OLA1: variants seen among roughly 807,000 people sequenced by gnomAD.
OLA1 encodes the protein obg-like ATPase 1.
A neutral mutation model predicts 48.4 loss-of-function variants in OLA1; 14 were observed. That is an observed-to-expected ratio of 0.29 (90% confidence interval 0.19 to 0.45). The LOEUF is 0.45. Among genes scored for constraint, OLA1 ranks in the 20% least tolerant of loss-of-function variants. The probability of loss-of-function intolerance (pLI) is 1.00; values close to 1 mark genes in which losing one functional copy is unlikely to be tolerated. For missense variants in OLA1, 325 were observed against 467.1 expected (o/e 0.70, Z 2.80); for synonymous variants, 127 against 150.4 (o/e 0.84, Z 1.14).
intron 4 of OLA1, among the ~76,000 whole-genome samples, chr2:174,215,631 A>G (rs904615840): frequency 2.0e-5 from 3 of 152,218 alleles, no homozygotes; most frequent in Non-Finnish European, 4.4e-5. Flanking sequence ...ATCACTTACT[A>G]CTGTAAAATA....
chr2:174,134,214 A>G (rs575980864), intron 5 of OLA1, among the ~76,000 whole-genome samples: 1 of 152,226 alleles, frequency 6.6e-6, no homozygotes, highest in Non-Finnish European at 1.5e-5. Context: ...TTGCTAGTTC[A>G]TATGGTAAGT....
In OLA1 at chr2:174,095,334, T is replaced by TG. The variant is rs1056513643; in HGVS notation, c.729-13271_729-13270insC. 1.1e-4 allele frequency among the ~76,000 whole-genome samples: 13 copies of TG among 121,378 alleles called. 1 individual carries two copies. Among genetic ancestry groups the TG allele is most frequent in the Admixed American group, 3.3e-4 (4 of 12,140 alleles). 79.6% of individuals were successfully genotyped at this position (121,378 alleles called of 152,430 possible). A position where few individuals can be genotyped will look rare whatever the true frequency, so the allele number is the denominator to read the frequency against. The stretch of plus-strand genomic sequence containing the variant: ...GCACTTGTTATTTCCTGTTTTTTTT[T>TG]TTTTTTTTTTTTTTTGTTGTTGTTG... On this transcript the variant is annotated intron_variant, in intron 7 of 10. Coordinates refer to ENST00000284719, the MANE Select transcript of OLA1 (RefSeq NM_013341.5).
chr2:174,177,023 G>A (rs1687437356), intron 4 of OLA1, among the ~76,000 whole-genome samples: 1 of 152,068 alleles, frequency 6.6e-6, no homozygotes, highest in Non-Finnish European at 1.5e-5. Flanking sequence ...TACCACAGGA[G>A]TGCTGATTAC....
chr2:174,126,661 C>T (rs1383267141), intron 5 of OLA1, among the ~76,000 whole-genome samples: 2 of 152,000 alleles, frequency 1.3e-5, no homozygotes, highest in African/African-American at 4.8e-5. Flanking sequence ...TGAGATCTAC[C>T]TCCTAGGGAG....
chr2:174,183,515 A>G (rs1432444559), intron 4 of OLA1, among the ~76,000 whole-genome samples: 1 of 152,218 alleles, frequency 6.6e-6, no homozygotes, highest in African/African-American at 2.4e-5. Flanking sequence ...TCTCCATGCT[A>G]TCTGTTCAGT....
chr2:174,212,313 G>A (rs555184419), intron 4 of OLA1, among the ~76,000 whole-genome samples: 48 of 152,268 alleles, frequency 3.2e-4, no homozygotes, highest in Non-Finnish European at 4.7e-4. Context: ...ATAAAGTACA[G>A]TAAAAATGCA....
At chr2:174,087,069 C>CT (rs1684998779) in intron 7 of OLA1, among the ~76,000 whole-genome samples, 1 of 151,330 alleles carries the variant, frequency 6.6e-6, no homozygotes, top group Non-Finnish European at 1.5e-5. Context: ...GCTCTGTCGC[C>CT]AGGCTGGAGT....
Position 174,244,522 on chromosome 2 carries a change from T to A in OLA1, c.101+2193A>T, listed in dbSNP as rs184974039. Among the ~76,000 whole-genome samples, 126 of 152,328 alleles carry A rather than the reference T, an allele frequency of 8.3e-4. 1 individual carries two copies. The highest frequency in any genetic ancestry group is 2.9e-3 in the African/African-American group (122 of 41,572). On this transcript the variant is annotated intron_variant, in intron 2 of 10. Coordinates refer to ENST00000284719, the MANE Select transcript of OLA1 (RefSeq NM_013341.5). The stretch of plus-strand genomic sequence containing the variant: ...AGATTCCAGCAGATTGAGTCCCTTA[T>A]ATACAATGGTGTAGTATAATACCTA...
intron 7 of OLA1, among the ~76,000 whole-genome samples, chr2:174,114,099 C>T (rs1477755288): frequency 2.0e-5 from 3 of 146,786 alleles, no homozygotes; most frequent in African/African-American, 5.1e-5. Context: ...GAGGCTGAGA[C>T]GGGCGGATCA....
At chr2:174,175,103 T>C (rs188578320) in intron 4 of OLA1, among the ~76,000 whole-genome samples, 5 of 152,010 alleles carry the variant, frequency 3.3e-5, no homozygotes, top group African/African-American at 1.2e-4. Context: ...ATATGCAAAA[T>C]TAACTAGAAA....
chr2:174,078,198 A>G (rs531388693), intron 10 of OLA1, among the ~76,000 whole-genome samples: 2 of 152,024 alleles, frequency 1.3e-5, no homozygotes, highest in African/African-American at 2.4e-5. Flanking sequence ...AATAGTAAAC[A>G]CAAGAATCTT....
At chr2:174,231,563 A>T (rs1267782291) in intron 2 of OLA1, among the ~76,000 whole-genome samples, 1 of 152,160 alleles carries the variant, frequency 6.6e-6, no homozygotes, top group East Asian at 1.9e-4. Context: ...ATGTTTTGTG[A>T]TTTTTTAAAA....
At chr2:174,163,943 C>G (rs1396962502) in intron 4 of OLA1, among the ~76,000 whole-genome samples, 1 of 151,578 alleles carries the variant, frequency 6.6e-6, no homozygotes, top group Non-Finnish European at 1.5e-5. Flanking sequence ...CAAATCTCAT[C>G]TTGAATTGTA....
intron 10 of OLA1, among the ~76,000 whole-genome samples, chr2:174,076,344 A>G (rs1052024397): frequency 1.3e-5 from 2 of 152,088 alleles, no homozygotes; most frequent in Non-Finnish European, 2.9e-5. Context: ...CCCACACTTA[A>G]CACTGCACAC....
intron 4 of OLA1, among the ~76,000 whole-genome samples, chr2:174,142,906 A>G (rs1424430392): frequency 6.6e-6 from 1 of 152,242 alleles, no homozygotes; most frequent in Non-Finnish European, 1.5e-5. Context: ...AATTAATTTC[A>G]TTAAAACTAC....
intron 7 of OLA1, among the ~76,000 whole-genome samples, chr2:174,110,867 C>T (rs1685632986): frequency 6.6e-6 from 1 of 152,144 alleles, no homozygotes; most frequent in African/African-American, 2.4e-5. Flanking sequence ...CAGGAGTGAG[C>T]CACTGCACTT....
At chr2:174,171,190 T>C (rs1185029767) in intron 4 of OLA1, among the ~76,000 whole-genome samples, 1 of 152,188 alleles carries the variant, frequency 6.6e-6, no homozygotes, top group African/African-American at 2.4e-5. Flanking sequence ...ACTGGAGATC[T>C]TAACGCCCTT....
chr2:174,178,476 G>C (rs1168743854), intron 4 of OLA1, among the ~76,000 whole-genome samples: 1 of 151,918 alleles, frequency 6.6e-6, no homozygotes, highest in East Asian at 1.9e-4. Flanking sequence ...ATTTGGAAAA[G>C]TAAGATCAAA....
At chr2:174,115,249 T>TTTTTTTTTTTTTTTTTTTTTTTGAG (rs1685754220) in intron 7 of OLA1, among the ~76,000 whole-genome samples, 1 of 152,240 alleles carries the variant, frequency 6.6e-6, no homozygotes, top group Admixed American at 6.5e-5. Flanking sequence ...TGTTATTTCT[T>TTTTTTTTTTTTTTTTTTTTTTTGAG]AATAAAGTTC....
Sources: gnomAD v4.1 joint callset for allele counts (sites outside exome capture counted in the v4.1 genomes callset) on GRCh38, gnomAD v4.1.1 for gene constraint, MANE v1.5 for transcripts, NCBI Gene and HGNC (gene_info 2026-07-23, HGNC 2026-07-21) for gene names.